The following UBR7 variants were observed in gnomAD, a reference collection of about 807,000 sequenced individuals.
UBR7 encodes the protein ubiquitin protein ligase E3 component n-recognin 7, also known as putative E3 ubiquitin-protein ligase UBR7.
A neutral mutation model predicts 57.0 loss-of-function variants in UBR7; 22 were observed. The ratio of observed to expected loss-of-function variants is 0.39; its 90% CI spans 0.28 to 0.55. UBR7 has a LOEUF of 0.55. UBR7 is among the 20% of genes least tolerant of loss of function. UBR7 has a pLI of 0.69. For missense variants in UBR7, 395 were observed against 513.2 expected, an observed-to-expected ratio of 0.77 and a Z score of 2.23; for synonymous variants, 167 against 179.8, an observed-to-expected ratio of 0.93 and a Z score of 0.57.
At chr14:93,223,930 C>T (rs1209423232) in intron 10 of UBR7, 2 of 729,316 alleles carry the variant, frequency 2.7e-6, no homozygotes, top group African/African-American at 1.7e-5. Context: ...GTGGGGACTT[C>T]TCAAACACCT....
chr14:93,211,832 A>C (rs918601408), intron 3 of UBR7, among the ~76,000 whole-genome samples, 200 bp from the exon 4 acceptor site: 1 of 152,116 alleles, frequency 6.6e-6, no homozygotes, highest in Non-Finnish European at 1.5e-5. Flanking sequence ...AAAAAAACAA[A>C]AAAAAATTAT....
intron 1 of UBR7, among the ~76,000 whole-genome samples, chr14:93,208,261 G>A (rs983580268): frequency 2.6e-5 from 4 of 152,058 alleles, no homozygotes; most frequent in African/African-American, 9.7e-5. Flanking sequence ...AAGAGGGGTG[G>A]ATTGGAACAC....
intron 9 of UBR7, among the ~76,000 whole-genome samples, 185 bp from the exon 10 acceptor site, chr14:93,222,126 AAG>A (rs1894721374): frequency 6.6e-6 from 1 of 151,580 alleles, no homozygotes; most frequent in African/African-American, 2.4e-5. Flanking sequence ...TTTAATGAAA[AAG>A]GGTCTCATAT....
intron 4 of UBR7, among the ~76,000 whole-genome samples, chr14:93,213,157 A>T (rs935791876): frequency 6.6e-6 from 1 of 152,040 alleles, no homozygotes; most frequent in African/African-American, 2.4e-5. Context: ...TAATCATAAT[A>T]AATAATAAAA....
At chr14:93,216,768 C>A (rs1174082999) in intron 6 of UBR7, among the ~76,000 whole-genome samples, 1 of 151,938 alleles carries the variant, frequency 6.6e-6, no homozygotes, top group Non-Finnish European at 1.5e-5. Context: ...GCACATGCCA[C>A]CACACCTGGC....
intron 3 of UBR7, 113 bp downstream of exon 3, chr14:93,210,821 A>C: frequency 1.1e-6 from 1 of 896,102 alleles, no homozygotes; most frequent in South Asian, 1.6e-5. Context: ...TCTTATGCTT[A>C]TTCTTTGCAG....
chr14:93,223,676 CT>C, intron 10 of UBR7: 1 of 1,330,046 alleles, frequency 7.5e-7, no homozygotes, highest in Non-Finnish European at 1.1e-6. Context: ...CAGCGGGAAA[CT>C]TGATCTTGGA....
Position 93,209,813 on chromosome 14 carries a change from G to C in UBR7, c.151-11G>C. ...TACATTAATTCTCTTTTCCATTTTG[G>C]GGGCTTTCAGGGCTCAGTAAAGAGA... On this transcript the variant is annotated splice_polypyrimidine_tract_variant and intron_variant, in intron 1 of 10. Coordinates refer to ENST00000013070, the MANE Select transcript of UBR7 (RefSeq NM_175748.4). The C allele has an allele frequency of 6.2e-7, 1 of 1,613,092 alleles. No individual in the cohort carries two copies. The highest frequency in any genetic ancestry group is 8.5e-7 in the Non-Finnish European group (1 of 1,179,494).
chr14:93,210,021 T>A, intron 2 of UBR7, 64 bp downstream of exon 2: 2 of 1,569,204 alleles, frequency 1.3e-6, no homozygotes, highest in Non-Finnish European at 1.7e-6. Flanking sequence ...CCATCTACAC[T>A]TTTTCCTAAT....
chr14:93,218,381 A>G lies in UBR7; in HGVS notation c.602-146A>G, dbSNP rs557031362. 13 of 732,890 alleles carry G rather than the reference A, an allele frequency of 1.8e-5. No individual in the cohort carries two copies. The Admixed American group carries it at 2.2e-4, about 12-fold the overall frequency. 45.4% of individuals were successfully genotyped at this position (732,890 alleles called of 1,614,324 possible). Reference sequence around the variant, plus strand: ...AGTCAAGACCATGCCACTGCACTCCAGTGTGGACGACAGAGTGAGACTCTG... The same window carrying G: ...AGTCAAGACCATGCCACTGCACTCCGGTGTGGACGACAGAGTGAGACTCTG... On this transcript the variant is annotated intron_variant, in intron 6 of 10. Transcript: ENST00000013070.
At chr14:93,211,937 A>C in intron 3 of UBR7, 95 bp from the exon 4 acceptor site, 1 of 972,620 alleles carries the variant, frequency 1.0e-6, no homozygotes, top group Non-Finnish European at 1.5e-6. Flanking sequence ...TGGGGGAAAT[A>C]ATGTGGAAAT....
At position 93,219,293 on chromosome 14, in the gene UBR7, A is replaced by G. The variant is rs761942906; in HGVS notation, c.892A>G (p.Lys298Glu). 1 of 1,614,216 alleles carries G rather than the reference A, an allele frequency of 6.2e-7. No homozygotes were observed. Among genetic ancestry groups the G allele is most frequent in the Non-Finnish European group, 8.5e-7 (1 of 1,180,028 alleles). Residue 298 changes from lysine (K) to glutamate (E), a missense_variant, in exon 8 of 11, where the codon AAG (lysine) becomes GAG (glutamate). Transcript: ENST00000013070. ...GGAGCTTAAAGCTAAGCAGCTTATA[A>G]AGAAAGACACTGCCACCTATTGGCC... ...LQELKAKQLI[K>E]KDTATYWPLN...
chr14:93,223,453 C>A, intron 10 of UBR7: 1 of 458,678 alleles, frequency 2.2e-6, no homozygotes, highest in Non-Finnish European at 3.9e-6. Flanking sequence ...GTTTCAGCTA[C>A]TTGGGAGGCT....
chr14:93,225,065 C>T (rs1254417025), intron 10 of UBR7, among the ~76,000 whole-genome samples: 1 of 152,186 alleles, frequency 6.6e-6, no homozygotes, highest in African/African-American at 2.4e-5. Flanking sequence ...ACTAGCGCCA[C>T]TCTTTAGGAG....
rs1325113690 is a variant in UBR7, at chr14:93,213,150, T to A, written c.441+1023T>A. On this transcript the variant is annotated intron_variant, in intron 4 of 10. Transcript: ENST00000013070. ...GAGACCCTGTCTCAAAAAATAATAATCATAATAAATAATAAAATAAAATTG... is the reference window on the plus strand; with the variant it reads ...GAGACCCTGTCTCAAAAAATAATAAACATAATAAATAATAAAATAAAATTG... Among the ~76,000 whole-genome samples, 3 of 151,604 alleles carry A rather than the reference T, an allele frequency of 2.0e-5. No individual in the cohort carries two copies. The East Asian group carries it at 5.8e-4, about 29-fold the overall frequency.
chr14:93,210,724 A>T lies in UBR7; in HGVS notation c.345+16A>T, dbSNP rs1226589476. The T allele has an allele frequency of 6.3e-7, 1 of 1,597,994 alleles. No homozygotes were observed. Among genetic ancestry groups the T allele is most frequent in the South Asian group, 1.1e-5 (1 of 89,664 alleles). On this transcript the variant is annotated intron_variant, in intron 3 of 10. Transcript: ENST00000013070. ...ATTACTTCCTGTAAGTAAGCACTGT[A>T]ACTATAAATGCATTTAGAGCAGCTG...
intron 8 of UBR7, among the ~76,000 whole-genome samples, 180 bp from the exon 9 acceptor site, chr14:93,220,069 T>C (rs1237326381): frequency 2.6e-5 from 4 of 152,100 alleles, no homozygotes; most frequent in African/African-American, 9.7e-5. Context: ...CTGAAAGAAA[T>C]TTAGGCAAAA....
At position 93,227,388 on chromosome 14, in the gene UBR7, C is replaced by T. The variant is rs1197550859; in HGVS notation, c.*353C>T. On this transcript the variant is annotated 3_prime_UTR_variant, in exon 11 of 11. Transcript: ENST00000013070. Reference sequence around the variant, plus strand: ...TCACTCCCAGATGTGTGTGTTTTGCCACAGAGCTGTTGCCTTCCAGAACCT... The same window carrying T: ...TCACTCCCAGATGTGTGTGTTTTGCTACAGAGCTGTTGCCTTCCAGAACCT... 1 of 647,714 alleles carries T rather than the reference C, an allele frequency of 1.5e-6. No homozygotes were observed. Among genetic ancestry groups the T allele is most frequent in the East Asian group, 3.1e-5 (1 of 32,378 alleles). 40.1% of individuals were successfully genotyped at this position (647,714 alleles called of 1,614,324 possible).
intron 4 of UBR7, among the ~76,000 whole-genome samples, chr14:93,214,371 G>A (rs1056245283): frequency 6.6e-6 from 1 of 152,176 alleles, no homozygotes; most frequent in African/African-American, 2.4e-5. Context: ...TGAGAGCCTG[G>A]GAGTAAAAGA....
Sources: gnomAD v4.1 joint callset for allele counts (sites outside exome capture counted in the v4.1 genomes callset) on GRCh38, gnomAD v4.1.1 for gene constraint, MANE v1.5 for transcripts, NCBI Gene and HGNC (gene_info 2026-07-23, HGNC 2026-07-21) for gene names.